RNF217: variants seen among roughly 807,000 people sequenced by gnomAD.
RNF217 encodes E3 ubiquitin-protein ligase RNF217.
In RNF217, 31 loss-of-function variants were observed where a neutral mutation model predicts 57.8. The observed-to-expected ratio is 0.54, with a 90% CI of 0.40 to 0.72. The LOEUF is 0.72. Ranked by LOEUF, RNF217 falls within the 30% of genes least tolerant of loss-of-function variation. The pLI is 0.00. For missense variants in RNF217, 696 were observed against 708.3 expected, an observed-to-expected ratio of 0.98 and a Z score of 0.20; for synonymous variants, 313 against 294.0, an observed-to-expected ratio of 1.06 and a Z score of -0.66.
intron 1 of RNF217, among the ~76,000 whole-genome samples, chr6:125,015,446 A>G (rs1239120850): frequency 2.0e-5 from 3 of 152,104 alleles, no homozygotes; most frequent in Admixed American, 6.6e-5. Context: ...TAGAGAAAAC[A>G]TGGAAAACTC....
intron 2 of RNF217, among the ~76,000 whole-genome samples, chr6:125,056,030 T>G (rs1582759456): frequency 6.6e-6 from 1 of 152,162 alleles, no homozygotes; most frequent in African/African-American, 2.4e-5. Flanking sequence ...TTTATATAAG[T>G]AGATCTTGAA....
At chr6:124,976,255 C>A (rs1783953796) in intron 1 of RNF217, among the ~76,000 whole-genome samples, 1 of 128,708 alleles carries the variant, frequency 7.8e-6, no homozygotes, top group South Asian at 3.2e-4. Context: ...CCCTCACTCC[C>A]TCCCTCCCTC....
chr6:124,994,126 GA>G (rs1440093236), intron 1 of RNF217, among the ~76,000 whole-genome samples: 11 of 151,500 alleles, frequency 7.3e-5, no homozygotes, highest in African/African-American at 2.7e-4. Flanking sequence ...TATTAGCCTA[GA>G]GAAAAAAAAA....
At chr6:125,049,533 C>T (rs1262486442) in intron 2 of RNF217, among the ~76,000 whole-genome samples, 1 of 152,014 alleles carries the variant, frequency 6.6e-6, no homozygotes, top group Non-Finnish European at 1.5e-5. Flanking sequence ...GAATTAAACT[C>T]TCAGCCTGTC....
In RNF217 at chr6:125,057,924, G is replaced by T; in HGVS notation, c.1117-18G>T. Reference sequence around the variant, plus strand: ...CAGTATATCCACTAGTAATTAATATGATTTTTTTCTTACACAGATCCAGTG... The same window carrying T: ...CAGTATATCCACTAGTAATTAATATTATTTTTTTCTTACACAGATCCAGTG... On this transcript the variant is annotated intron_variant, in intron 2 of 5. Coordinates refer to ENST00000521654, the MANE Select transcript of RNF217 (RefSeq NM_001286398.3). The T allele has an allele frequency of 1.3e-6, 2 of 1,580,506 alleles. No homozygotes were observed. The highest frequency in any genetic ancestry group is 1.2e-5 in the South Asian group (1 of 84,938).
chr6:125,002,534 T>C (rs1397972430), intron 1 of RNF217, among the ~76,000 whole-genome samples: 1 of 152,170 alleles, frequency 6.6e-6, no homozygotes, highest in African/African-American at 2.4e-5. Context: ...CCAACCTGAA[T>C]ACCTTCCTTG....
At chr6:124,966,471 C>T (rs1284333019) in intron 1 of RNF217, among the ~76,000 whole-genome samples, 1 of 152,106 alleles carries the variant, frequency 6.6e-6, no homozygotes, top group Non-Finnish European at 1.5e-5. Context: ...TTGACAGAAG[C>T]AAATGTGTCA....
Position 125,083,719 on chromosome 6 carries a change from A to G in RNF217, c.*782A>G, listed in dbSNP as rs1361117634. On this transcript the variant is annotated 3_prime_UTR_variant, in exon 6 of 6. Coordinates refer to ENST00000521654, the MANE Select transcript of RNF217 (RefSeq NM_001286398.3). ...TTAAATTAAAGTCAATGTAGACAAC[A>G]GGCCATTTCGATACTGAACTTTTCT... The G allele has an allele frequency of 6.6e-6, 1 of 152,064 alleles. No individual in the cohort carries two copies. 9.4% of individuals were successfully genotyped at this position (152,064 alleles called of 1,614,324 possible).
chr6:124,990,669 C>T (rs1440461536), intron 1 of RNF217, among the ~76,000 whole-genome samples: 2 of 152,128 alleles, frequency 1.3e-5, no homozygotes, highest in South Asian at 2.1e-4. Flanking sequence ...CACCATTTCC[C>T]CTGCTACCAC....
At chr6:124,964,489 G>A (rs1783448812) in intron 1 of RNF217, among the ~76,000 whole-genome samples, 1 of 152,148 alleles carries the variant, frequency 6.6e-6, no homozygotes, top group African/African-American at 2.4e-5. Context: ...GCCCATCATA[G>A]TGTTTTTAAT....
At position 125,045,317 on chromosome 6, in the gene RNF217, A is replaced by G. The variant is rs1477708116; in HGVS notation, c.989A>G (p.Tyr330Cys). ...TTAACGCATGAAGACTCCATCAAGT[A>G]TAAGTACTTCTTGGAACTTGGCCGT... ...YNLTHEDSIK[Y>C]KYFLELGRID... is the part of the protein sequence containing the mutation. The change falls in exon 2 of 6, where the codon TAT becomes TGT. Residue 330 changes from tyrosine to cysteine, a missense_variant. Tyr to Cys is a radical substitution (Grantham distance 194, BLOSUM62 -2). Coordinates refer to ENST00000521654, the MANE Select transcript of RNF217 (RefSeq NM_001286398.3). 1.9e-6 allele frequency: 3 copies of G among 1,613,486 alleles called. No homozygotes were observed. Among genetic ancestry groups the G allele is most frequent in the Admixed American group, 1.7e-5 (1 of 59,902 alleles).
At chr6:125,022,220 G>C (rs1785872519) in intron 1 of RNF217, among the ~76,000 whole-genome samples, 1 of 152,086 alleles carries the variant, frequency 6.6e-6, no homozygotes, top group Admixed American at 6.5e-5. Flanking sequence ...GCCCACAGCA[G>C]ATCTATTTGG....
intron 1 of RNF217, among the ~76,000 whole-genome samples, chr6:124,981,433 C>G (rs1049365979): frequency 6.6e-6 from 1 of 152,140 alleles, no homozygotes; most frequent in Non-Finnish European, 1.5e-5. Context: ...CATGAGACAT[C>G]AATCAGTATG....
intron 1 of RNF217, among the ~76,000 whole-genome samples, chr6:125,001,354 GGA>G (rs1362144304): frequency 1.3e-5 from 2 of 152,150 alleles, no homozygotes; most frequent in African/African-American, 4.8e-5. Context: ...AGTAGTAAAT[GGA>G]GTTGTCTTCT....
intron 1 of RNF217, among the ~76,000 whole-genome samples, chr6:124,977,331 G>A (rs1030340124): frequency 8.5e-5 from 13 of 152,136 alleles, no homozygotes; most frequent in African/African-American, 2.9e-4. Context: ...GCATCTCTTT[G>A]CCTGTATGAG....
intron 3 of RNF217, among the ~76,000 whole-genome samples, chr6:125,064,985 T>A (rs1192207598): frequency 6.6e-6 from 1 of 151,902 alleles, no homozygotes; most frequent in Non-Finnish European, 1.5e-5. Flanking sequence ...AACTGAAAAA[T>A]TCATTGTATA....
At chr6:125,042,474 G>A (rs1786920480) in intron 1 of RNF217, among the ~76,000 whole-genome samples, 1 of 152,036 alleles carries the variant, frequency 6.6e-6, no homozygotes, top group South Asian at 2.1e-4. Context: ...TAAAATATGA[G>A]GTCTTTGGTT....
Position 125,083,172 on chromosome 6 carries a change from A to G in RNF217, c.*235A>G. On this transcript the variant is annotated 3_prime_UTR_variant, in exon 6 of 6. Coordinates refer to ENST00000521654, the MANE Select transcript of RNF217 (RefSeq NM_001286398.3). The stretch of plus-strand genomic sequence containing the variant: ...TAAAAAATGGTCACTTTCATAAACT[A>G]TAAACATCTATATCATAACTCTGAC... 1 of 398,166 alleles carries G rather than the reference A, an allele frequency of 2.5e-6. No individual in the cohort carries two copies. 24.7% of individuals were successfully genotyped at this position (398,166 alleles called of 1,614,324 possible).
chr6:125,046,692 G>C (rs1011563782), intron 2 of RNF217: 1 of 455,826 alleles, frequency 2.2e-6, no homozygotes, highest in South Asian at 1.5e-5. Flanking sequence ...CCTTTCTTGA[G>C]AGCAGCAGTT....
Sources: gnomAD v4.1 joint callset for allele counts (sites outside exome capture counted in the v4.1 genomes callset) on GRCh38, gnomAD v4.1.1 for gene constraint, MANE v1.5 for transcripts, NCBI Gene and HGNC (gene_info 2026-07-23, HGNC 2026-07-21) for gene names.